The following BDP1 variants were observed in gnomAD, a reference collection of about 807,000 sequenced individuals.
BDP1 encodes the protein transcription factor TFIIIB component B'' homolog.
In BDP1, 169 loss-of-function variants were observed where a neutral mutation model predicts 266.6. The ratio of observed to expected loss-of-function variants is 0.63; its 90% CI spans 0.56 to 0.72. The LOEUF is 0.72. BDP1 is among the 30% of genes least tolerant of loss of function. The pLI is 0.00. For missense variants in BDP1, 3,015 were observed against 3,053.8 expected, an observed-to-expected ratio of 0.99 and a Z score of 0.30; for synonymous variants, 1,090 against 1,022.4, an observed-to-expected ratio of 1.07 and a Z score of -1.26.
the BDP1 span, among the ~76,000 whole-genome samples, chr5:71,575,163 T>C: frequency 5.3e-5 from 8 of 152,328 alleles, no homozygotes; most frequent in East Asian, 1.4e-3. Flanking sequence ...AAAACTTTGA[T>C]AACCCAGGAT....
intron 21 of BDP1, among the ~76,000 whole-genome samples, chr5:71,517,017 C>T (rs1239154481): frequency 1.3e-5 from 2 of 152,068 alleles, no homozygotes; most frequent in African/African-American, 4.8e-5. Flanking sequence ...AACTAGGCAT[C>T]CTTGTTTTTG....
chr5:71,461,956 C>CAAT, intron 3 of BDP1, 30 bp downstream of exon 3: 2 of 725,330 alleles, frequency 2.8e-6, no homozygotes, highest in Non-Finnish European at 4.6e-6. Flanking sequence ...GCTTTACTAT[C>CAAT]TCTTTTTTTT....
rs1254859695 is a variant in BDP1 at position 71,509,498 on chromosome 5, C to T, written c.2406C>T (p.Asn802=). 6.3e-7 allele frequency: 1 copy of T among 1,592,104 alleles called. No homozygotes were observed. Among genetic ancestry groups the T allele is most frequent in the Non-Finnish European group, 8.5e-7 (1 of 1,174,284 alleles). ...VQENNKANKL[N]QVPILRTRFQ... ...AGAATAATAAGGCAAATAAACTTAACCAAGTCCCAATTCTAAGGACTCGAT... is the reference window on the plus strand; with the variant it reads ...AGAATAATAAGGCAAATAAACTTAATCAAGTCCCAATTCTAAGGACTCGAT... Residue 802 remains asparagine, a synonymous_variant, in exon 17 of 39, where the codon AAC becomes AAT. Transcript: ENST00000358731.
intron 20 of BDP1, among the ~76,000 whole-genome samples, chr5:71,515,765 C>G (rs994857685): frequency 2.0e-5 from 3 of 152,136 alleles, no homozygotes; most frequent in African/African-American, 4.8e-5. Flanking sequence ...AAATGAAACT[C>G]TCTACCCATT....
At chr5:71,464,510 A>C (rs1347193976) in intron 4 of BDP1, among the ~76,000 whole-genome samples, 3 of 151,842 alleles carry the variant, frequency 2.0e-5, no homozygotes, top group Non-Finnish European at 4.4e-5. Flanking sequence ...AAAAAATTAC[A>C]TTTGGTTGGG....
At chr5:71,545,566 A>G (rs1742226716) in intron 32 of BDP1, 1 of 254,924 alleles carries the variant, frequency 3.9e-6, no homozygotes, top group South Asian at 5.8e-5. Flanking sequence ...CCTGGCTTCA[A>G]GTGATCCACC....
chr5:71,493,523 G>A (rs1357983494), intron 11 of BDP1, among the ~76,000 whole-genome samples: 2 of 152,144 alleles, frequency 1.3e-5, no homozygotes, highest in African/African-American at 4.8e-5. Flanking sequence ...ACTGTGTCTG[G>A]CCCTAGCTTT....
chr5:71,496,097 C>A (rs577955477), intron 12 of BDP1, among the ~76,000 whole-genome samples: 84 of 151,982 alleles, frequency 5.5e-4, no homozygotes, highest in Admixed American at 4.6e-4. Context: ...AAAAAATTAG[C>A]CGGGTGTGGT....
chr5:71,511,357 C>T (rs1212617571), intron 17 of BDP1: 5 of 551,702 alleles, frequency 9.1e-6, no homozygotes, highest in Non-Finnish European at 1.5e-5. Context: ...GCTGGGCACA[C>T]CTTTAAACCC....
At chr5:71,516,973 A>G (rs763653222) in intron 21 of BDP1, among the ~76,000 whole-genome samples, 9 of 152,244 alleles carry the variant, frequency 5.9e-5, no homozygotes, top group South Asian at 2.1e-4. Flanking sequence ...TTATGTAAAC[A>G]TATTACTGCA....
chr5:71,514,947 G>A lies in BDP1; in HGVS notation c.4474G>A (p.Glu1492Lys). The A allele has an allele frequency of 6.3e-7, 1 of 1,594,914 alleles. No individual in the cohort carries two copies. The highest frequency in any genetic ancestry group is 1.2e-5 in the South Asian group (1 of 86,392). ...AAATTTTTTTTCTGTCTTCTAGGATGAAGCTTCCCTAATGATATCAAGAGA... is the reference window on the plus strand; with the variant it reads ...AAATTTTTTTTCTGTCTTCTAGGATAAAGCTTCCCTAATGATATCAAGAGA... ...QTDTLPSQHDEASLMISREKD... is the reference protein window; with the variant it reads ...QTDTLPSQHDKASLMISREKD... Residue 1492 changes from glutamate to lysine, a missense_variant, in exon 20 of 39, where the codon GAA (glutamate) becomes AAA (lysine). Coordinates refer to ENST00000358731, the MANE Select transcript of BDP1 (RefSeq NM_018429.3).
chr5:71,551,639 G>A (rs920555359), intron 34 of BDP1, among the ~76,000 whole-genome samples: 2 of 152,164 alleles, frequency 1.3e-5, no homozygotes, highest in Non-Finnish European at 2.9e-5. Flanking sequence ...CCTCCCAGAC[G>A]GGGTGGTGGC....
intron 7 of BDP1, among the ~76,000 whole-genome samples, chr5:71,478,042 G>A (rs968236207): frequency 2.6e-5 from 4 of 152,272 alleles, no homozygotes; most frequent in Admixed American, 1.3e-4. Context: ...CCTGAGGTTG[G>A]GAGTTCGAGA....
chr5:71,559,055 G>A lies in BDP1; in HGVS notation c.7241-927G>A, dbSNP rs535207647. On this transcript the variant is annotated intron_variant, in intron 36 of 38. Coordinates refer to ENST00000358731, the MANE Select transcript of BDP1 (RefSeq NM_018429.3). ...TGTAATCCCAGCTACTCGGGAGGCTGAGGTGAGTGAATTGCTTGAACCCGG... is the reference window on the plus strand; with the variant it reads ...TGTAATCCCAGCTACTCGGGAGGCTAAGGTGAGTGAATTGCTTGAACCCGG... 2.6e-5 allele frequency among the ~76,000 whole-genome samples: 4 copies of A among 151,828 alleles called. No homozygotes were observed. The East Asian group carries it at 7.8e-4, about 30-fold the overall frequency.
chr5:71,479,941 GTTTT>G (rs1219858477), intron 7 of BDP1, among the ~76,000 whole-genome samples: 1 of 151,340 alleles, frequency 6.6e-6, no homozygotes, highest in South Asian at 2.1e-4. Context: ...TCCGTCACGG[GTTTT>G]TTTGTTTGTT....
chr5:71,455,862 GC>G lies in BDP1; in HGVS notation c.-11del. ...AGCGGCCGTGAGGCTGCCTCCCCGG[GC>G]CCCCTGCCTCCGCCATGTTCCGCAG... On this transcript the variant is annotated 5_prime_UTR_variant, in exon 1 of 39. Coordinates refer to ENST00000358731, the MANE Select transcript of BDP1 (RefSeq NM_018429.3). The G allele has an allele frequency of 6.4e-7, 1 of 1,554,702 alleles. No individual in the cohort carries two copies. The highest frequency in any genetic ancestry group is 8.7e-7 in the Non-Finnish European group (1 of 1,149,566).
rs1298453991 is a variant in BDP1 at position 71,463,986 on chromosome 5, C to T, written c.600-72C>T. 6 of 881,504 alleles carry T rather than the reference C, an allele frequency of 6.8e-6. No individual in the cohort carries two copies. The African/African-American group carries it at 1.0e-4, about 15-fold the overall frequency. 54.6% of individuals were successfully genotyped at this position (881,504 alleles called of 1,614,324 possible). ...AATTAGAAGTTAGAATAATTTTCTTCTTGCCTACAGATAGAATTGGGAAGA... is the reference window on the plus strand; with the variant it reads ...AATTAGAAGTTAGAATAATTTTCTTTTTGCCTACAGATAGAATTGGGAAGA... On this transcript the variant is annotated intron_variant, in intron 3 of 38. Transcript: ENST00000358731.
At chr5:71,525,649 A>C (rs1580144451) in intron 25 of BDP1, among the ~76,000 whole-genome samples, 4 of 90,730 alleles carry the variant, frequency 4.4e-5, no homozygotes, top group South Asian at 4.3e-4. Context: ...TGACCCCCCC[A>C]CCTCCCTTCC....
chr5:71,508,471 A>AT (rs113929106), intron 16 of BDP1, among the ~76,000 whole-genome samples: 111,753 of 144,404 alleles, frequency 0.77, 43,758 homozygotes, highest in East Asian at 0.88. Context: ...CACTTGACTA[A>AT]TTTTTTTTTT....
Sources: allele counts gnomAD v4.1 joint callset (sites outside exome capture counted in the v4.1 genomes callset), GRCh38; gene constraint gnomAD v4.1.1; transcripts MANE v1.5; gene names NCBI Gene and HGNC (gene_info 2026-07-23, HGNC 2026-07-21).